Variants in UEVLD observed in about 807,000 individuals in gnomAD.
UEVLD encodes ubiquitin-conjugating enzyme E2 variant 3.
Under a neutral mutation model 58.6 loss-of-function variants are expected in UEVLD, and 47 were observed. The observed-to-expected ratio is 0.80, with a 90% CI of 0.63 to 1.02. UEVLD has a LOEUF of 1.02. Ranked by LOEUF, UEVLD falls within the 50% of genes least tolerant of loss-of-function variation. The probability of loss-of-function intolerance (pLI) is 0.00; values close to 1 mark genes in which losing one functional copy is unlikely to be tolerated. For missense variants in UEVLD, 510 were observed against 550.6 expected (o/e 0.93, Z 0.74); for synonymous variants, 197 against 195.3 (o/e 1.01, Z -0.07).
intron 7 of UEVLD, among the ~76,000 whole-genome samples, chr11:18,554,824 T>C (rs763931435): frequency 6.6e-6 from 1 of 152,154 alleles, no homozygotes; most frequent in Non-Finnish European, 1.5e-5. Flanking sequence ...CAAAATGTTA[T>C]AGTAGCTATT....
intron 1 of UEVLD, among the ~76,000 whole-genome samples, chr11:18,584,923 G>C (rs1321989428): frequency 6.6e-6 from 1 of 152,050 alleles, no homozygotes; most frequent in African/African-American, 2.4e-5. Flanking sequence ...GTGCCACCAT[G>C]CCTGGCCTAT....
intron 9 of UEVLD, among the ~76,000 whole-genome samples, chr11:18,540,400 C>T (rs1278654597): frequency 6.6e-6 from 1 of 152,164 alleles, no homozygotes; most frequent in African/African-American, 2.4e-5. Flanking sequence ...CAGTTGGTAT[C>T]TATACATGAA....
At position 18,546,902 on chromosome 11, in the gene UEVLD, G is replaced by A; in HGVS notation, c.864C>T (p.Val288=). 2.5e-6 allele frequency: 4 copies of A among 1,613,800 alleles called. No individual in the cohort carries two copies. The South Asian group carries it at 4.4e-5, about 18-fold the overall frequency. Residue 288 remains valine (V), a synonymous_variant, in exon 8 of 12, where the codon GTC becomes GTT. Transcript: ENST00000396197. ...TACCTGGTTGAGATGCAACGAGCAG[G>A]ACACTGTGTTGACTATAATGTCCCA... ...PALGHYSQHS[V]LLVASQPVEI...
At chr11:18,551,089 G>A (rs1383308680) in intron 7 of UEVLD, among the ~76,000 whole-genome samples, 9 of 152,148 alleles carry the variant, frequency 5.9e-5, no homozygotes, top group Admixed American at 5.9e-4. Context: ...AAGAGAATTA[G>A]AAAGAACTTT....
chr11:18,576,804 C>T (rs1475423161), intron 2 of UEVLD, among the ~76,000 whole-genome samples: 1 of 152,150 alleles, frequency 6.6e-6, no homozygotes, highest in Non-Finnish European at 1.5e-5. Flanking sequence ...CCAATCAGCA[C>T]TCCTGGCTCA....
intron 6 of UEVLD, chr11:18,563,990 G>A: frequency 3.5e-6 from 1 of 285,798 alleles, no homozygotes; most frequent in Non-Finnish European, 6.9e-6. Context: ...GGGTAACAGA[G>A]CGAGACTCCA....
chr11:18,588,419 T>C (rs1001222597), intron 1 of UEVLD, among the ~76,000 whole-genome samples, 194 bp downstream of exon 1: 1 of 151,546 alleles, frequency 6.6e-6, no homozygotes, highest in Non-Finnish European at 1.5e-5. Context: ...AACCTCAGAG[T>C]TGCGGGAGAA....
rs1297799944 is a variant in UEVLD at position 18,564,924 on chromosome 11, C to T, written c.580G>A (p.Gly194Ser). Residue 194 changes from glycine (G) to serine (S), a missense_variant, in exon 6 of 12, where the codon GGT (glycine) becomes AGT (serine). By Grantham distance (56) the Gly-to-Ser change is moderately conservative (BLOSUM62 0). Coordinates refer to ENST00000396197, the MANE Select transcript of UEVLD (RefSeq NM_001040697.4). ...GAAATTGCTAATGTGCAGGCAATAC[C>T]GAGTTCTCCACCTCCAACCACAGTA... ...KITVVGGGEL[G>S]IACTLAISAK... 9.3e-6 allele frequency: 15 copies of T among 1,613,510 alleles called. No homozygotes were observed. The highest frequency in any genetic ancestry group is 1.7e-4 in the Middle Eastern group (1 of 6,056).
At chr11:18,567,866 G>A (rs780325699) in intron 4 of UEVLD, among the ~76,000 whole-genome samples, 6 of 152,090 alleles carry the variant, frequency 3.9e-5, no homozygotes, top group Non-Finnish European at 7.4e-5. Context: ...GTTTTAAGTG[G>A]GGGCACTGTG....
intron 9 of UEVLD, among the ~76,000 whole-genome samples, chr11:18,542,889 T>TC (rs1376129860): frequency 7.2e-6 from 1 of 138,504 alleles, no homozygotes; most frequent in Non-Finnish European, 1.5e-5. Context: ...TCTTTTCTTT[T>TC]CTTTTTTTTT....
chr11:18,555,829 G>A (rs1851731589), intron 7 of UEVLD, among the ~76,000 whole-genome samples: 1 of 152,006 alleles, frequency 6.6e-6, no homozygotes, highest in Non-Finnish European at 1.5e-5. Context: ...CATGCCTGTA[G>A]TCCAAGCTAC....
intron 7 of UEVLD, among the ~76,000 whole-genome samples, chr11:18,556,079 T>C (rs1851744876): frequency 1.3e-5 from 2 of 152,240 alleles, no homozygotes; most frequent in Admixed American, 1.3e-4. Flanking sequence ...CACCATGCAC[T>C]ACACATCTAT....
intron 4 of UEVLD, 114 bp from the exon 5 acceptor site, chr11:18,566,596 G>GGTT: frequency 9.2e-7 from 1 of 1,089,908 alleles, no homozygotes; most frequent in Non-Finnish European, 1.3e-6. Flanking sequence ...AGTGAGTTAT[G>GGTT]GTTGCACCAC....
chr11:18,533,062 CTTT>C (rs530237376), intron 11 of UEVLD, among the ~76,000 whole-genome samples: 1 of 133,960 alleles, frequency 7.5e-6, no homozygotes. Flanking sequence ...CTTTTCTTTT[CTTT>C]TTTTTTTTTT....
rs754098346 is a variant in UEVLD, at chr11:18,566,309, A to AT, written c.493+37dup. 223 of 1,611,186 alleles carry AT rather than the reference A, an allele frequency of 1.4e-4. 1 individual carries two copies. Among genetic ancestry groups the AT allele is most frequent in the Non-Finnish European group, 1.7e-4 (205 of 1,179,666 alleles). ...GAGTTTAGTGAGAAACTGGTAACTC[A>AT]TAACTCTCAAGATAATCTGCCTGAC... On this transcript the variant is annotated intron_variant, in intron 5 of 11. Coordinates refer to ENST00000396197, the MANE Select transcript of UEVLD (RefSeq NM_001040697.4).
Position 18,570,253 on chromosome 11 carries a change from T to C in UEVLD, c.318A>G (p.Gln106=), listed in dbSNP as rs1218731870. ...GILVGKHVDA[Q]GRIYLPYLQN... The stretch of plus-strand genomic sequence containing the variant: ...GGAGATAGGGCAAATATATTCTGCC[T>C]TGAGCATCCACATGTTTTCCGACTA... The change falls in exon 4 of 12, where the codon CAA becomes CAG. Residue 106 remains glutamine, a synonymous_variant. Coordinates refer to ENST00000396197, the MANE Select transcript of UEVLD (RefSeq NM_001040697.4). The C allele has an allele frequency of 1.2e-6, 2 of 1,607,690 alleles. No homozygotes were observed. The highest frequency in any genetic ancestry group is 1.7e-5 in the Admixed American group (1 of 58,768).
intron 1 of UEVLD, among the ~76,000 whole-genome samples, chr11:18,584,252 G>A (rs1420999540): frequency 6.6e-6 from 1 of 152,040 alleles, no homozygotes; most frequent in Non-Finnish European, 1.5e-5. Context: ...ATGTGGTGAT[G>A]TTGCCTGTGG....
intron 1 of UEVLD, 134 bp downstream of exon 1, chr11:18,588,479 G>C: frequency 9.1e-7 from 1 of 1,098,662 alleles, no homozygotes; most frequent in Non-Finnish European, 1.3e-6. Context: ...CCCATAGCCG[G>C]TTTCAGACCA....
chr11:18,580,901 G>A (rs1254320620), intron 1 of UEVLD, among the ~76,000 whole-genome samples: 7 of 152,056 alleles, frequency 4.6e-5, no homozygotes, highest in Non-Finnish European at 1.0e-4. Flanking sequence ...GGTGGCTCAC[G>A]CCTGTAATCC....
Sources: allele counts gnomAD v4.1 joint callset (sites outside exome capture counted in the v4.1 genomes callset), GRCh38; gene constraint gnomAD v4.1.1; transcripts MANE v1.5; gene names NCBI Gene and HGNC (gene_info 2026-07-23, HGNC 2026-07-21).